SLC1A1: variants seen among roughly 807,000 people sequenced by gnomAD.
SLC1A1 encodes the protein excitatory amino acid transporter 3.
In SLC1A1, 43 loss-of-function variants were observed where a neutral mutation model predicts 53.3. The ratio of observed to expected loss-of-function variants is 0.81; its 90% CI spans 0.63 to 1.04. SLC1A1 has a LOEUF of 1.04. Among genes scored for constraint, SLC1A1 ranks in the 50% least tolerant of loss-of-function variants. SLC1A1 has a pLI of 0.00. For synonymous variants in SLC1A1, 307 were observed against 243.2 expected, an observed-to-expected ratio of 1.26 and a Z score of -2.44; for missense variants, 748 against 664.9, an observed-to-expected ratio of 1.12 and a Z score of -1.37.
At chr9:4,521,412 C>T (rs2130831555) in intron 1 of SLC1A1, among the ~76,000 whole-genome samples, 1 of 152,234 alleles carries the variant, frequency 6.6e-6, no homozygotes, top group East Asian at 1.9e-4. Flanking sequence ...CTGCATTAAT[C>T]CCCTCTGCCA....
chr9:4,554,810 G>A (rs556018560), intron 2 of SLC1A1, among the ~76,000 whole-genome samples: 17 of 152,328 alleles, frequency 1.1e-4, no homozygotes, highest in African/African-American at 2.9e-4. Flanking sequence ...TTTAGTGACC[G>A]TGTAATGAAG....
chr9:4,563,789 C>T (rs1192830328), intron 3 of SLC1A1, among the ~76,000 whole-genome samples: 1 of 152,130 alleles, frequency 6.6e-6, no homozygotes, highest in Non-Finnish European at 1.5e-5. Context: ...CCTATAAATC[C>T]CATCTATTTG....
At chr9:4,496,222 G>A (rs1294801947) in intron 1 of SLC1A1, among the ~76,000 whole-genome samples, 1 of 152,108 alleles carries the variant, frequency 6.6e-6, no homozygotes, top group Non-Finnish European at 1.5e-5. Flanking sequence ...GAACAGTGAT[G>A]GGTGAGAGGC....
intron 1 of SLC1A1, among the ~76,000 whole-genome samples, chr9:4,516,522 T>G (rs1163886241): frequency 6.6e-6 from 1 of 152,162 alleles, no homozygotes; most frequent in Non-Finnish European, 1.5e-5. Flanking sequence ...GGATCTGGGA[T>G]TCTTACTCTT....
At chr9:4,499,912 G>C (rs1356049575) in intron 1 of SLC1A1, among the ~76,000 whole-genome samples, 1 of 152,214 alleles carries the variant, frequency 6.6e-6, no homozygotes, top group Non-Finnish European at 1.5e-5. Context: ...AGGATGTGGT[G>C]GAGCTCAGGT....
intron 10 of SLC1A1, 69 bp from the exon 11 acceptor site, chr9:4,582,969 C>T (rs777053982): frequency 6.3e-7 from 1 of 1,598,858 alleles, no homozygotes; most frequent in Admixed American, 1.7e-5. Flanking sequence ...CGGGAGTAAC[C>T]ATTTCAGGCC....
intron 2 of SLC1A1, among the ~76,000 whole-genome samples, chr9:4,546,712 G>T (rs1024476856): frequency 2.6e-5 from 4 of 152,160 alleles, no homozygotes; most frequent in African/African-American, 9.7e-5. Context: ...GCCCAGGCTG[G>T]TCTTGAATTT....
rs895385789 is a variant in SLC1A1, at chr9:4,490,506, G to A, written c.-174G>A. 2.0e-5 allele frequency: 8 copies of A among 400,582 alleles called. 1 individual carries two copies. The highest frequency in any genetic ancestry group is 2.7e-5 in the Non-Finnish European group (6 of 225,984). 24.8% of individuals were successfully genotyped at this position (400,582 alleles called of 1,614,324 possible). On this transcript the variant is annotated 5_prime_UTR_variant, in exon 1 of 12. Coordinates refer to ENST00000262352, the MANE Select transcript of SLC1A1 (RefSeq NM_004170.6). ...GCTGGCAGGGCGGCGGGCGCGGTGC[G>A]CGATCCCGGGTGGCGGCGGCAACGG...
At chr9:4,497,450 G>A (rs561467256) in intron 1 of SLC1A1, among the ~76,000 whole-genome samples, 4 of 152,132 alleles carry the variant, frequency 2.6e-5, no homozygotes, top group Non-Finnish European at 5.9e-5. Flanking sequence ...TCTTCTCTGT[G>A]CCCATAGTAC....
intron 3 of SLC1A1, among the ~76,000 whole-genome samples, chr9:4,563,553 C>T (rs761244144): frequency 2.0e-5 from 3 of 152,188 alleles, no homozygotes; most frequent in South Asian, 2.1e-4. Context: ...CCCTGGATTA[C>T]CATTGCCTCT....
intron 6 of SLC1A1, among the ~76,000 whole-genome samples, chr9:4,568,645 A>G (rs1252123920): frequency 6.6e-6 from 1 of 150,904 alleles, no homozygotes; most frequent in African/African-American, 2.4e-5. Flanking sequence ...CGTTTGAGCT[A>G]TGATTGCACC....
intron 1 of SLC1A1, among the ~76,000 whole-genome samples, chr9:4,494,882 C>T (rs898628460): frequency 6.6e-6 from 1 of 152,186 alleles, no homozygotes; most frequent in Admixed American, 6.5e-5. Flanking sequence ...TATGCCATTA[C>T]TTCTGTCATT....
In SLC1A1 at chr9:4,573,793, C is replaced by G. The variant is rs546934569; in HGVS notation, c.768-114C>G. ...GCTTCAATTCCCATCCTGTGCTCCA[C>G]CAAGTGTGCATGCCAAGCTGAGGGT... On this transcript the variant is annotated intron_variant, in intron 7 of 11. Transcript: ENST00000262352. 1.6e-4 allele frequency: 126 copies of G among 781,628 alleles called. 2 individuals carry two copies. The South Asian group carries it at 1.7e-3, about 10-fold the overall frequency. The allele number at this position is 781,628 out of a possible 1,614,324, so 48.4% of individuals were successfully genotyped here. A position where few individuals can be genotyped will look rare whatever the true frequency, so the allele number is the denominator to read the frequency against.
intron 1 of SLC1A1, among the ~76,000 whole-genome samples, chr9:4,538,819 A>T (rs1816776968): frequency 6.6e-6 from 1 of 152,234 alleles, no homozygotes; most frequent in Non-Finnish European, 1.5e-5. Flanking sequence ...TTACAGCCTA[A>T]GGGCAGGATG....
intron 1 of SLC1A1, among the ~76,000 whole-genome samples, chr9:4,512,237 G>T (rs1172296986): frequency 6.6e-6 from 1 of 152,198 alleles, no homozygotes; most frequent in Non-Finnish European, 1.5e-5. Flanking sequence ...TGGAGGCAGG[G>T]TGCGGTGGCT....
intron 1 of SLC1A1, among the ~76,000 whole-genome samples, chr9:4,536,461 A>C (rs1355096092): frequency 1.3e-5 from 2 of 152,242 alleles, no homozygotes; most frequent in Non-Finnish European, 2.9e-5. Context: ...ATCACTGGTC[A>C]TCAGAGAAAT....
At position 4,548,069 on chromosome 9, in the gene SLC1A1, C is replaced by G. The variant is rs1199090287; in HGVS notation, c.232+3362C>G. Among the ~76,000 whole-genome samples, 4 of 152,088 alleles carry G rather than the reference C, an allele frequency of 2.6e-5. No individual in the cohort carries two copies. The East Asian group carries it at 5.8e-4, about 22-fold the overall frequency. On this transcript the variant is annotated intron_variant, in intron 2 of 11. Coordinates refer to ENST00000262352, the MANE Select transcript of SLC1A1 (RefSeq NM_004170.6). ...GCTTTCTTTACATTTTCAACTGAAC[C>G]TGTGTTTTTGTTTGGTTTGTATTTT...
chr9:4,497,303 C>T (rs1388158513), intron 1 of SLC1A1, among the ~76,000 whole-genome samples: 1 of 152,072 alleles, frequency 6.6e-6, no homozygotes, highest in African/African-American at 2.4e-5. Flanking sequence ...GGATTCAAAC[C>T]CTGGAAGTCT....
intron 1 of SLC1A1, among the ~76,000 whole-genome samples, chr9:4,535,837 C>T (rs181605717): frequency 6.6e-6 from 1 of 152,276 alleles, no homozygotes; most frequent in Admixed American, 6.5e-5. Flanking sequence ...ACCAAAACAG[C>T]ATGGTACTGG....
Sources: allele counts gnomAD v4.1 joint callset (sites outside exome capture counted in the v4.1 genomes callset), GRCh38; gene constraint gnomAD v4.1.1; transcripts MANE v1.5; gene names NCBI Gene and HGNC (gene_info 2026-07-23, HGNC 2026-07-21).